The following DCAF12 variants were observed in gnomAD, a reference collection of about 807,000 sequenced individuals.
DCAF12 encodes the protein DDB1- and CUL4-associated factor 12.
Under a neutral mutation model 52.8 loss-of-function variants are expected in DCAF12, and 28 were observed. That is an observed-to-expected ratio of 0.53 (90% CI 0.39 to 0.73). DCAF12 has a LOEUF of 0.73. Among genes scored for constraint, DCAF12 ranks in the 30% least tolerant of loss-of-function variants. The pLI, the probability that DCAF12 is intolerant of heterozygous loss-of-function variation, is 0.00. For missense variants in DCAF12, 425 were observed against 552.2 expected, an observed-to-expected ratio of 0.77 and a Z score of 2.31; for synonymous variants, 196 against 215.5, an observed-to-expected ratio of 0.91 and a Z score of 0.79.
At chr9:34,096,575 G>C (rs972496255) in intron 6 of DCAF12, 141 bp downstream of exon 6, 1 of 752,674 alleles carries the variant, frequency 1.3e-6, no homozygotes, top group Non-Finnish European at 2.1e-6. Flanking sequence ...CTGCACTCCA[G>C]CCTGGGCATC....
rs1285840880 is a variant in DCAF12 at position 34,103,448 on chromosome 9, C to T, written c.601+2986G>A. On this transcript the variant is annotated intron_variant, in intron 4 of 8. Coordinates refer to ENST00000361264, the MANE Select transcript of DCAF12 (RefSeq NM_015397.4). ...AAAAATAAAAAGTAAGTTTATATTCCCATTCAGAAACAATCCACTATCACA... is the reference window on the plus strand; with the variant it reads ...AAAAATAAAAAGTAAGTTTATATTCTCATTCAGAAACAATCCACTATCACA... Among the ~76,000 whole-genome samples, 4 of 151,850 alleles carry T rather than the reference C, an allele frequency of 2.6e-5. No individual in the cohort carries two copies. The East Asian group carries it at 7.7e-4, about 29-fold the overall frequency.
chr9:34,107,662 T>C (rs1044150329), intron 2 of DCAF12, 97 bp from the exon 3 acceptor site: 10 of 1,005,928 alleles, frequency 9.9e-6, no homozygotes, highest in Admixed American at 4.2e-5. Context: ...CAACATTTAA[T>C]TAACAACTAC....
intron 1 of DCAF12, chr9:34,125,571 T>C: frequency 3.9e-6 from 2 of 516,540 alleles, no homozygotes; most frequent in South Asian, 1.5e-5. Flanking sequence ...GAGTGAAAGA[T>C]TGAAGGAAAT....
rs576708537 is a variant in DCAF12, at chr9:34,094,132, T to C, written c.862-684A>G. Among the ~76,000 whole-genome samples the C allele has an allele frequency of 1.5e-4, 23 of 152,072 alleles. No homozygotes were observed. In the South Asian group the frequency reaches 4.1e-3, roughly 27 times the overall value. The stretch of plus-strand genomic sequence containing the variant: ...TAAGAAGAAGAGAAAAAGCTGGGCG[T>C]GGTGGCTAACGTCTGTAATCCCAGC... On this transcript the variant is annotated intron_variant, in intron 6 of 8. Coordinates refer to ENST00000361264, the MANE Select transcript of DCAF12 (RefSeq NM_015397.4).
At position 34,126,663 on chromosome 9, in the gene DCAF12, A is replaced by C; in HGVS notation, c.-232T>G. On this transcript the variant is annotated 5_prime_UTR_variant, in exon 1 of 9. Coordinates refer to ENST00000361264, the MANE Select transcript of DCAF12 (RefSeq NM_015397.4). ...GGAAGCGAGAATGAGCGGCTTTCCG[A>C]CGGCAGAGCCTGCAAGGACGGCGAG... is the stretch of plus-strand genomic sequence containing the variant. 2 of 576,740 alleles carry C rather than the reference A, an allele frequency of 3.5e-6. No individual in the cohort carries two copies. The highest frequency in any genetic ancestry group is 3.3e-5 in the Admixed American group (1 of 30,260). 35.7% of individuals were successfully genotyped at this position (576,740 alleles called of 1,614,324 possible).
intron 7 of DCAF12, among the ~76,000 whole-genome samples, chr9:34,092,049 C>T (rs1263145338): frequency 6.6e-6 from 1 of 152,002 alleles, no homozygotes; most frequent in Non-Finnish European, 1.5e-5. Context: ...AGTATTTTTT[C>T]CCTCTTCAAT....
At chr9:34,113,391 C>G (rs911354319) in intron 2 of DCAF12, among the ~76,000 whole-genome samples, 1 of 151,804 alleles carries the variant, frequency 6.6e-6, no homozygotes, top group Non-Finnish European at 1.5e-5. Context: ...GAGTCTAGCT[C>G]TGTCACCCAA....
chr9:34,122,188 C>G (rs1371444024), intron 2 of DCAF12, among the ~76,000 whole-genome samples: 1 of 150,180 alleles, frequency 6.7e-6, no homozygotes, highest in East Asian at 1.9e-4. Context: ...TCCCACACCA[C>G]CCCCCCAAAA....
At chr9:34,096,877 C>A in intron 5 of DCAF12, 96 bp from the exon 6 acceptor site, 1 of 1,061,346 alleles carries the variant, frequency 9.4e-7, no homozygotes, top group South Asian at 1.3e-5. Flanking sequence ...GTCCTTTATT[C>A]CTGTCTCGTG....
intron 2 of DCAF12, among the ~76,000 whole-genome samples, chr9:34,108,971 T>C (rs1828952312): frequency 7.7e-6 from 1 of 129,182 alleles, no homozygotes; most frequent in South Asian, 2.7e-4. Flanking sequence ...ATATGTATTT[T>C]ATGTATATGT....
chr9:34,106,838 G>T (rs1164628928), intron 3 of DCAF12, among the ~76,000 whole-genome samples: 2 of 152,108 alleles, frequency 1.3e-5, no homozygotes, highest in African/African-American at 4.8e-5. Flanking sequence ...CCCTGCTCAA[G>T]CGTCATCCTA....
intron 4 of DCAF12, among the ~76,000 whole-genome samples, chr9:34,099,686 C>T (rs974239090): frequency 1.3e-5 from 2 of 151,356 alleles, no homozygotes; most frequent in Non-Finnish European, 2.9e-5. Flanking sequence ...CACCACCTCC[C>T]GGGTTCAAGC....
At chr9:34,118,582 T>TATC (rs748615856) in intron 2 of DCAF12, among the ~76,000 whole-genome samples, 13 of 152,202 alleles carry the variant, frequency 8.5e-5, no homozygotes, top group Admixed American at 2.0e-4. Flanking sequence ...CAGGGAGCTT[T>TATC]ATCCCTAACT....
At chr9:34,091,200 G>A (rs541082401) in intron 7 of DCAF12, among the ~76,000 whole-genome samples, 2 of 151,860 alleles carry the variant, frequency 1.3e-5, no homozygotes, top group Admixed American at 6.6e-5. Flanking sequence ...GGTGGTACGC[G>A]CCTGTAGTCC....
At chr9:34,093,619 G>A in intron 6 of DCAF12, 171 bp from the exon 7 acceptor site, 1 of 654,400 alleles carries the variant, frequency 1.5e-6, no homozygotes, top group South Asian at 2.0e-5. Flanking sequence ...GGAGAAAGAG[G>A]AGGTGAATGT....
At chr9:34,089,674 G>A in intron 7 of DCAF12, 84 bp from the exon 8 acceptor site, 1 of 1,362,024 alleles carries the variant, frequency 7.3e-7, no homozygotes. Context: ...CCAACACTGA[G>A]TTTTCAACGT....
chr9:34,102,378 C>G (rs868036170), intron 4 of DCAF12, among the ~76,000 whole-genome samples: 31 of 151,976 alleles, frequency 2.0e-4, no homozygotes, highest in Middle Eastern at 3.4e-3. Context: ...ACTTAAAAAC[C>G]CAGGCCGGGC....
intron 6 of DCAF12, among the ~76,000 whole-genome samples, chr9:34,094,454 T>C (rs936925755): frequency 6.6e-6 from 1 of 151,456 alleles, no homozygotes; most frequent in Non-Finnish European, 1.5e-5. Context: ...TTTAACTCTA[T>C]GTAAAAGTTG....
At position 34,126,437 on chromosome 9, in the gene DCAF12, G is replaced by A; in HGVS notation, c.-6C>T. ...CTAACTACTTTCCGGGCCATAGTGGGCAGCGCCGCCGCGGCCCCGCAGCCA... is the reference window on the plus strand; with the variant it reads ...CTAACTACTTTCCGGGCCATAGTGGACAGCGCCGCCGCGGCCCCGCAGCCA... On this transcript the variant is annotated 5_prime_UTR_variant, in exon 1 of 9. Coordinates refer to ENST00000361264, the MANE Select transcript of DCAF12 (RefSeq NM_015397.4). The A allele has an allele frequency of 1.9e-6, 3 of 1,604,642 alleles. No homozygotes were observed. Among genetic ancestry groups the A allele is most frequent in the South Asian group, 2.2e-5 (2 of 90,752 alleles).
Sources: gnomAD v4.1 joint callset for allele counts (sites outside exome capture counted in the v4.1 genomes callset) on GRCh38, gnomAD v4.1.1 for gene constraint, MANE v1.5 for transcripts, NCBI Gene and HGNC (gene_info 2026-07-23, HGNC 2026-07-21) for gene names.